Variants in EFL1 observed in about 807,000 individuals in gnomAD.
EFL1 encodes the protein elongation factor like GTPase 1, also known as elongation factor-like GTPase 1.
EFL1 carries 76 observed loss-of-function variants against 126.7 expected under a neutral mutation model. The ratio of observed to expected loss-of-function variants is 0.60; its 90% confidence interval spans 0.50 to 0.73. EFL1 has a LOEUF of 0.73. EFL1 is among the 30% of genes least tolerant of loss of function. The probability of loss-of-function intolerance (pLI) is 0.00; values close to 1 mark genes in which losing one functional copy is unlikely to be tolerated. For missense variants in EFL1, 1,128 were observed against 1,343.2 expected, an observed-to-expected ratio of 0.84 and a Z score of 2.50; for synonymous variants, 410 against 448.4, an observed-to-expected ratio of 0.91 and a Z score of 1.08.
At chr15:82,245,240 T>G (rs1313707338) in intron 4 of EFL1, among the ~76,000 whole-genome samples, 5 of 151,958 alleles carry the variant, frequency 3.3e-5, no homozygotes, top group Non-Finnish European at 7.4e-5. Context: ...CAGCCTCAAA[T>G]TCCTGGGCTC....
At chr15:82,165,542 C>T (rs1042283496) in intron 15 of EFL1, among the ~76,000 whole-genome samples, 17 of 152,162 alleles carry the variant, frequency 1.1e-4, no homozygotes, top group Admixed American at 6.5e-4. Flanking sequence ...CTAACATCCA[C>T]CTGAATATCT....
At chr15:82,188,676 C>T (rs771465229) in intron 15 of EFL1, among the ~76,000 whole-genome samples, 6 of 152,156 alleles carry the variant, frequency 3.9e-5, no homozygotes, top group Non-Finnish European at 8.8e-5. Flanking sequence ...CAATGTGCCT[C>T]TTCCCTTTCA....
chr15:82,190,137 T>A (rs920062145), intron 15 of EFL1, among the ~76,000 whole-genome samples: 1 of 151,916 alleles, frequency 6.6e-6, no homozygotes, highest in Non-Finnish European at 1.5e-5. Flanking sequence ...AAATTCATGT[T>A]ACTTTCCTTT....
chr15:82,181,017 C>T lies in EFL1; in HGVS notation c.1751-17033G>A, dbSNP rs140484847. ...TGCTGGGATTACAGGTGTGAGCCAC[C>T]GCTCCTGGCCTAAATTTTTTTTTTA... On this transcript the variant is annotated intron_variant, in intron 15 of 19. Transcript: ENST00000268206. Among the ~76,000 whole-genome samples, 1,270 of 152,118 alleles carry T rather than the reference C, an allele frequency of 8.3e-3. 19 individuals are homozygous for T. Among genetic ancestry groups the T allele is most frequent in the African/African-American group, 0.029 (1,188 of 41,494 alleles).
chr15:82,227,672 C>T (rs1250124350), intron 10 of EFL1, 100 bp from the exon 11 acceptor site: 7 of 1,529,706 alleles, frequency 4.6e-6, no homozygotes, highest in Non-Finnish European at 6.2e-6. Context: ...AAAGTCTGTC[C>T]ATACAGAAAA....
chr15:82,163,829 C>T, intron 16 of EFL1, 24 bp downstream of exon 16: 2 of 1,611,514 alleles, frequency 1.2e-6, no homozygotes, highest in South Asian at 1.1e-5. Flanking sequence ...TAAACATATG[C>T]TTTTAAAAAT....
chr15:82,260,550 C>T (rs1336758071), intron 2 of EFL1, among the ~76,000 whole-genome samples: 1 of 152,252 alleles, frequency 6.6e-6, no homozygotes, highest in Non-Finnish European at 1.5e-5. Flanking sequence ...AGGCTCCCTA[C>T]TGCCTAATAG....
intron 1 of EFL1, 139 bp from the exon 2 acceptor site, chr15:82,261,936 T>TA (rs2075125666): frequency 1.6e-6 from 1 of 607,364 alleles, no homozygotes; most frequent in East Asian, 2.8e-5. Context: ...ATTGATGAGA[T>TA]AGACCACCAA....
At chr15:82,196,327 C>T (rs1172170136) in intron 15 of EFL1, among the ~76,000 whole-genome samples, 1 of 152,156 alleles carries the variant, frequency 6.6e-6, no homozygotes, top group African/African-American at 2.4e-5. Flanking sequence ...GGAGGAGACC[C>T]AGCCTCTCTG....
chr15:82,185,492 T>C (rs1037229643), intron 15 of EFL1, among the ~76,000 whole-genome samples: 16 of 152,110 alleles, frequency 1.1e-4, no homozygotes, highest in African/African-American at 2.9e-4. Flanking sequence ...ATTAGAACTT[T>C]TCCCATAAAT....
At chr15:82,217,373 G>GGAAAAAAAAAAAA (rs1429392936) in intron 14 of EFL1, among the ~76,000 whole-genome samples, 1 of 27,150 alleles carries the variant, frequency 3.7e-5, no homozygotes. Flanking sequence ...GATTAGATTT[G>GGAAAAAAAAAAAA]AAAAAAAAAA....
chr15:82,216,164 C>T (rs992000144), intron 14 of EFL1, among the ~76,000 whole-genome samples: 3 of 152,002 alleles, frequency 2.0e-5, no homozygotes, highest in Non-Finnish European at 4.4e-5. Context: ...GCAACAAAAT[C>T]TAACAAGTGA....
chr15:82,151,861 A>G lies in EFL1; in HGVS notation c.2593T>C (p.Leu865=), dbSNP rs2073913130. ...AAGCCACTCACAATGCTATTGCCCA[A>G]ATCTCGGTATCTACTGGCTTCTTTT... The part of the protein sequence containing the change: ...ASKEASRYRD[L]GNSIVSGFQL... Residue 865 remains leucine, a synonymous_variant, in exon 18 of 20, where the codon TTG becomes CTG. Coordinates refer to ENST00000268206, the MANE Select transcript of EFL1 (RefSeq NM_024580.6). The G allele has an allele frequency of 1.9e-6, 3 of 1,614,090 alleles. No homozygotes were observed. The highest frequency in any genetic ancestry group is 8.5e-7 in the Non-Finnish European group (1 of 1,180,026).
chr15:82,131,574 T>G (rs1345742988), intron 19 of EFL1, among the ~76,000 whole-genome samples: 2 of 152,190 alleles, frequency 1.3e-5, no homozygotes, highest in Non-Finnish European at 2.9e-5. Context: ...GTGGATCATC[T>G]GAGGTCAGGA....
At chr15:82,250,838 A>G (rs896294881) in intron 4 of EFL1, among the ~76,000 whole-genome samples, 5 of 152,174 alleles carry the variant, frequency 3.3e-5, no homozygotes, top group African/African-American at 4.8e-5. Flanking sequence ...ATTATTTCCA[A>G]TATCATTTCA....
At chr15:82,150,276 T>C (rs2073893310) in intron 18 of EFL1, among the ~76,000 whole-genome samples, 1 of 152,196 alleles carries the variant, frequency 6.6e-6, no homozygotes, top group Non-Finnish European at 1.5e-5. Flanking sequence ...AGATTTCTGC[T>C]TTCAGGAATT....
chr15:82,202,912 A>T (rs1407502819), intron 15 of EFL1, among the ~76,000 whole-genome samples: 2 of 151,844 alleles, frequency 1.3e-5, no homozygotes, highest in Non-Finnish European at 2.9e-5. Flanking sequence ...CCCGGTTTCA[A>T]GTGATTCTCC....
intron 11 of EFL1, among the ~76,000 whole-genome samples, chr15:82,226,485 T>A (rs1312552799): frequency 6.6e-6 from 1 of 152,152 alleles, no homozygotes; most frequent in Non-Finnish European, 1.5e-5. Context: ...ATAAGGGCCA[T>A]AGATGACTCC....
chr15:82,152,250 T>A lies in EFL1; in HGVS notation c.2204A>T (p.Asp735Val), dbSNP rs780928302. 1.9e-6 allele frequency: 3 copies of A among 1,614,126 alleles called. No individual in the cohort carries two copies. The highest frequency in any genetic ancestry group is 2.5e-6 in the Non-Finnish European group (3 of 1,180,018). ...QSKIPEGIQV[D>V]SDGLITITTP... ...TGTTATGGTGATTAGCCCGTCAGAGTCAACTTGGATTCCTTCAGGGATTTT... is the reference window on the plus strand; with the variant it reads ...TGTTATGGTGATTAGCCCGTCAGAGACAACTTGGATTCCTTCAGGGATTTT... Residue 735 changes from aspartate to valine, a missense_variant, in exon 18 of 20, where the codon GAC (aspartate) becomes GTC (valine). This residue lies in a region of EFL1 where 561 missense variants were observed against 641.7 expected (regional missense o/e 0.87). Transcript: ENST00000268206.
Sources: gnomAD v4.1 joint callset for allele counts (sites outside exome capture counted in the v4.1 genomes callset) on GRCh38, gnomAD v4.1.1 for gene constraint, gnomAD v4.1.1 regional missense constraint, MANE v1.5 for transcripts, NCBI Gene and HGNC (gene_info 2026-07-23, HGNC 2026-07-21) for gene names.